Variants in UBR3 observed in about 807,000 individuals in gnomAD.
UBR3 encodes the protein ubiquitin protein ligase E3 component n-recognin 3.
In UBR3, 85 loss-of-function variants were observed where a neutral mutation model predicts 243.2. The observed-to-expected ratio is 0.35, with a 90% CI of 0.29 to 0.42. The LOEUF (loss-of-function observed/expected upper bound fraction) is 0.42. Ranked by LOEUF, UBR3 falls within the 10% of genes least tolerant of loss-of-function variation. The pLI is 1.00. For synonymous variants in UBR3, 748 were observed against 799.8 expected, an observed-to-expected ratio of 0.94 and a Z score of 1.09; for missense variants, 1,686 against 2,300.8, an observed-to-expected ratio of 0.73 and a Z score of 5.47.
chr2:169,854,820 A>G (rs926194743), intron 1 of UBR3, among the ~76,000 whole-genome samples: 2 of 152,154 alleles, frequency 1.3e-5, no homozygotes, highest in African/African-American at 4.8e-5. Flanking sequence ...TAAAAAAGCA[A>G]TAGAGAGTAT....
At chr2:169,861,619 AAAG>A (rs2083095359) in intron 1 of UBR3, among the ~76,000 whole-genome samples, 1 of 151,576 alleles carries the variant, frequency 6.6e-6, no homozygotes, top group Non-Finnish European at 1.5e-5. Flanking sequence ...AAAAAAAAAA[AAAG>A]AAAAGAAAAA....
intron 1 of UBR3, among the ~76,000 whole-genome samples, chr2:169,862,523 A>C (rs1314228799): frequency 6.6e-6 from 1 of 152,184 alleles, no homozygotes; most frequent in Non-Finnish European, 1.5e-5. Flanking sequence ...GGCTGGAATC[A>C]ATACTTCTGA....
intron 32 of UBR3, among the ~76,000 whole-genome samples, chr2:170,054,285 T>C (rs2091285328): frequency 6.9e-6 from 1 of 143,918 alleles, no homozygotes; most frequent in Admixed American, 6.9e-5. Context: ...ACACCCAGCT[T>C]TTTTTTTTTT....
chr2:169,866,184 T>C (rs2083255065), intron 1 of UBR3, among the ~76,000 whole-genome samples: 1 of 118,286 alleles, frequency 8.5e-6, no homozygotes, highest in African/African-American at 3.4e-5. Context: ...AAAAAAAGCT[T>C]TTATGGGAAT....
intron 30 of UBR3, among the ~76,000 whole-genome samples, chr2:170,023,965 G>A (rs2090460003): frequency 6.6e-6 from 1 of 152,032 alleles, no homozygotes; most frequent in Admixed American, 6.6e-5. Flanking sequence ...GCCTCCCAAA[G>A]TGCTGGGATT....
At chr2:170,010,900 C>A (rs1412390692) in intron 29 of UBR3, among the ~76,000 whole-genome samples, 3 of 107,590 alleles carry the variant, frequency 2.8e-5, no homozygotes, top group African/African-American at 1.0e-4. Flanking sequence ...CATGGTGGCT[C>A]ACACCATAAT....
rs150878153 is a variant in UBR3, at chr2:170,032,527, T to C, written c.4556+3079T>C. On this transcript the variant is annotated intron_variant, in intron 31 of 38. Coordinates refer to ENST00000272793, the MANE Select transcript of UBR3 (RefSeq NM_172070.4). ...CGTTTAGTTGCCATGTCTCTTTAAT[T>C]TCCTTTAATCTGAAATTAAGCCTGA... 2.9e-3 allele frequency among the ~76,000 whole-genome samples: 440 copies of C among 151,336 alleles called. 3 individuals carry two copies. Among genetic ancestry groups the C allele is most frequent in the African/African-American group, 0.01 (414 of 41,378 alleles).
At chr2:170,029,578 T>A in intron 31 of UBR3, 130 bp downstream of exon 31, 1 of 676,096 alleles carries the variant, frequency 1.5e-6, no homozygotes, top group Non-Finnish European at 2.3e-6. Flanking sequence ...CAGAAATATA[T>A]CATAAGAATT....
chr2:169,986,502 G>T (rs2089009517), intron 24 of UBR3, 143 bp from the exon 25 acceptor site: 4 of 642,758 alleles, frequency 6.2e-6, no homozygotes, highest in South Asian at 6.0e-5. Flanking sequence ...CTTGAGTAAG[G>T]TTATTTTTTC....
intron 1 of UBR3, among the ~76,000 whole-genome samples, chr2:169,841,920 C>A (rs1026529085): frequency 9.9e-5 from 15 of 152,242 alleles, no homozygotes; most frequent in African/African-American, 3.4e-4. Flanking sequence ...GGAATGCGAG[C>A]GCACGGCACA....
chr2:169,956,272 T>TAA (rs34885764), intron 23 of UBR3, among the ~76,000 whole-genome samples: 3 of 149,314 alleles, frequency 2.0e-5, no homozygotes, highest in Non-Finnish European at 4.4e-5. Context: ...CTTTTTTAGT[T>TAA]AAAAATTACA....
chr2:169,916,862 C>A (rs985197071), intron 11 of UBR3, among the ~76,000 whole-genome samples: 1 of 152,154 alleles, frequency 6.6e-6, no homozygotes, highest in East Asian at 1.9e-4. Flanking sequence ...GGCCACACCC[C>A]CTATGCCTGA....
chr2:169,865,446 T>C (rs371261168), intron 1 of UBR3, among the ~76,000 whole-genome samples: 20 of 152,344 alleles, frequency 1.3e-4, no homozygotes, highest in African/African-American at 4.8e-4. Flanking sequence ...TTTACTTTTT[T>C]GACCATTAAG....
intron 24 of UBR3, among the ~76,000 whole-genome samples, chr2:169,973,453 G>A (rs1241007916): frequency 6.6e-6 from 1 of 151,320 alleles, no homozygotes; most frequent in Non-Finnish European, 1.5e-5. Flanking sequence ...AGCCCGCATC[G>A]CCAAGTCAAT....
At chr2:169,895,040 G>T (rs945564629) in intron 6 of UBR3, 141 bp from the exon 7 acceptor site, 1 of 742,694 alleles carries the variant, frequency 1.3e-6, no homozygotes, top group Non-Finnish European at 2.0e-6. Context: ...TAGAAATCTA[G>T]CTTGTCAATA....
intron 5 of UBR3, among the ~76,000 whole-genome samples, chr2:169,889,837 C>A (rs1478173493): frequency 2.0e-5 from 3 of 152,154 alleles, no homozygotes; most frequent in African/African-American, 7.2e-5. Flanking sequence ...AAATAGAGCT[C>A]CAGCATGAAG....
At chr2:169,983,635 T>C (rs937988950) in intron 24 of UBR3, among the ~76,000 whole-genome samples, 4 of 152,020 alleles carry the variant, frequency 2.6e-5, no homozygotes, top group Admixed American at 2.6e-4. Context: ...TCTCTCTTGA[T>C]GGGAGGAATT....
intron 32 of UBR3, among the ~76,000 whole-genome samples, chr2:170,042,543 G>A (rs1163848944): frequency 6.6e-6 from 1 of 151,824 alleles, no homozygotes; most frequent in Admixed American, 6.6e-5. Flanking sequence ...ACAAAAATTA[G>A]CCTGGCATGG....
intron 5 of UBR3, among the ~76,000 whole-genome samples, chr2:169,880,248 T>G (rs1381549023): frequency 2.6e-5 from 4 of 152,200 alleles, no homozygotes; most frequent in African/African-American, 9.7e-5. Flanking sequence ...AGCACTTTAT[T>G]AAAATAAACA....
Sources: allele counts gnomAD v4.1 joint callset (sites outside exome capture counted in the v4.1 genomes callset), GRCh38; gene constraint gnomAD v4.1.1; transcripts MANE v1.5; gene names NCBI Gene and HGNC (gene_info 2026-07-23, HGNC 2026-07-21).